The following BRAF variants were observed in gnomAD, a reference collection of about 807,000 sequenced individuals.
The protein encoded by BRAF is B-Raf proto-oncogene, serine/threonine kinase.
BRAF carries 16 observed loss-of-function variants against 104.6 expected under a neutral mutation model. The ratio of observed to expected loss-of-function variants is 0.15; its 90% CI spans 0.10 to 0.23. The LOEUF is 0.23. Among genes scored for constraint, BRAF ranks in the 10% least tolerant of loss-of-function variants. BRAF has a pLI of 1.00. For synonymous variants in BRAF, 310 were observed against 341.6 expected, an observed-to-expected ratio of 0.91 and a Z score of 1.02; for missense variants, 541 against 937.3, an observed-to-expected ratio of 0.58 and a Z score of 5.52.
chr7:140,908,394 T>C (rs940589387), intron 1 of BRAF, among the ~76,000 whole-genome samples: 1 of 152,158 alleles, frequency 6.6e-6, no homozygotes, highest in Non-Finnish European at 1.5e-5. Context: ...GTACTGTTCA[T>C]TGTCCTTGAA....
At chr7:140,821,767 C>T (rs1402944868) in intron 3 of BRAF, among the ~76,000 whole-genome samples, 3 of 151,988 alleles carry the variant, frequency 2.0e-5, no homozygotes, top group East Asian at 1.9e-4. Context: ...AATCATTCTA[C>T]GAAAAAACCA....
chr7:140,759,838 T>C (rs1309706383), intron 14 of BRAF, among the ~76,000 whole-genome samples: 1 of 152,208 alleles, frequency 6.6e-6, no homozygotes, highest in African/African-American at 2.4e-5. Context: ...ACACGAATCA[T>C]TTGGGGATCT....
At chr7:140,797,892 T>G (rs956977779) in intron 7 of BRAF, among the ~76,000 whole-genome samples, 14 of 152,098 alleles carry the variant, frequency 9.2e-5, no homozygotes, top group Admixed American at 9.2e-4. Context: ...AAAACACAGC[T>G]GCACACAAGT....
chr7:140,728,704 C>T (rs1441186459), intron 19 of BRAF, among the ~76,000 whole-genome samples: 1 of 152,076 alleles, frequency 6.6e-6, no homozygotes, highest in Admixed American at 6.5e-5. Context: ...TTTAAGGTTG[C>T]TATTTTTAGT....
At position 140,797,358 on chromosome 7, in the gene BRAF, A is replaced by C. The variant is rs980441106; in HGVS notation, c.981-2891T>G. Among the ~76,000 whole-genome samples the C allele has an allele frequency of 3.9e-5, 6 of 152,334 alleles. No homozygotes were observed. In the East Asian group the frequency reaches 1.2e-3, roughly 29 times the overall value. ...AGGAGGTATCTCTCACTTTGTATTC[A>C]AAACTGGGCAATGTATTGCTTCTCC... On this transcript the variant is annotated intron_variant, in intron 7 of 19. Coordinates refer to ENST00000644969, the MANE Select transcript of BRAF (RefSeq NM_001374258.1).
intron 1 of BRAF, among the ~76,000 whole-genome samples, chr7:140,859,416 T>C (rs1810151551): frequency 2.0e-5 from 3 of 152,200 alleles, no homozygotes; most frequent in Admixed American, 1.3e-4. Context: ...CACATCTATA[T>C]GGGGATAACA....
intron 5 of BRAF, among the ~76,000 whole-genome samples, chr7:140,805,826 C>G (rs757750805): frequency 3.3e-5 from 5 of 152,184 alleles, no homozygotes; most frequent in African/African-American, 1.2e-4. Flanking sequence ...CTTGAATAGC[C>G]AAGCAAAACC....
At chr7:140,861,685 G>C (rs1810433883) in intron 1 of BRAF, among the ~76,000 whole-genome samples, 1 of 152,228 alleles carries the variant, frequency 6.6e-6, no homozygotes, top group Admixed American at 6.5e-5. Context: ...AAGGCAGAAA[G>C]GGCAGAGAAA....
At chr7:140,896,966 TC>T (rs1365355040) in intron 1 of BRAF, among the ~76,000 whole-genome samples, 1 of 151,254 alleles carries the variant, frequency 6.6e-6, no homozygotes, top group African/African-American at 2.4e-5. Context: ...ATAATAAATC[TC>T]TAATATATAT....
intron 17 of BRAF, among the ~76,000 whole-genome samples, chr7:140,743,847 A>G (rs1797135026): frequency 6.6e-6 from 1 of 152,212 alleles, no homozygotes; most frequent in Non-Finnish European, 1.5e-5. Context: ...GCTCCAACGA[A>G]TGGGTAACGA....
intron 19 of BRAF, chr7:140,726,622 T>A: frequency 9.7e-7 from 1 of 1,026,458 alleles, no homozygotes; most frequent in South Asian, 1.4e-5. Flanking sequence ...AGTTATATAT[T>A]TCAAGTCTAG....
rs1448515842 is a variant in BRAF, at chr7:140,787,567, T to G, written c.1158A>C (p.Gln386His). The G allele has an allele frequency of 2.5e-6, 4 of 1,612,868 alleles. No individual in the cohort carries two copies. The South Asian group carries it at 4.4e-5, about 18-fold the overall frequency. ...ACTTACCTCCATCACCACGAAATCCTTGGTCTCTAATCAAGTCCTACAAAT... is the reference window on the plus strand; with the variant it reads ...ACTTACCTCCATCACCACGAAATCCGTGGTCTCTAATCAAGTCCTACAAAT... ...PVNIDDLIRDQGFRGDGAPLN... is the reference protein window; with the variant it reads ...PVNIDDLIRDHGFRGDGAPLN... Residue 386 changes from glutamine to histidine, a missense_variant, in exon 9 of 20, where the codon CAA becomes CAC. Gln to His is a conservative substitution (Grantham distance 24, BLOSUM62 0). Transcript: ENST00000644969.
rs1795586099 is a variant in BRAF at position 140,726,151 on chromosome 7, T to C, written c.*343A>G. The C allele has an allele frequency of 8.8e-7, 1 of 1,132,616 alleles. No homozygotes were observed. Among genetic ancestry groups the C allele is most frequent in the African/African-American group, 1.6e-5 (1 of 62,620 alleles). The allele number at this position is 1,132,616 out of a possible 1,614,324, so 70.2% of individuals were successfully genotyped here. On this transcript the variant is annotated 3_prime_UTR_variant, in exon 20 of 20. Coordinates refer to ENST00000644969, the MANE Select transcript of BRAF (RefSeq NM_001374258.1). Reference sequence around the variant, plus strand: ...AAGGGCAAAGTTGACTGGCAGACTTTCCATAGCAAATCTCCCAAGCTGTAG... The same window carrying C: ...AAGGGCAAAGTTGACTGGCAGACTTCCCATAGCAAATCTCCCAAGCTGTAG...
intron 17 of BRAF, among the ~76,000 whole-genome samples, chr7:140,742,107 G>A (rs1304961715): frequency 6.6e-6 from 1 of 152,136 alleles, no homozygotes; most frequent in Non-Finnish European, 1.5e-5. Flanking sequence ...CATGTCATAG[G>A]TCTATAGTCT....
intron 1 of BRAF, among the ~76,000 whole-genome samples, chr7:140,883,047 T>C (rs568212647): frequency 1.3e-5 from 2 of 151,146 alleles, no homozygotes; most frequent in African/African-American, 4.9e-5. Flanking sequence ...AATAAATAAA[T>C]AAAGGACCTA....
At chr7:140,782,901 T>C in intron 11 of BRAF, 120 bp downstream of exon 10, 1 of 1,230,500 alleles carries the variant, frequency 8.1e-7, no homozygotes, top group Non-Finnish European at 1.1e-6. Context: ...CTTAAATTTA[T>C]TTAATTATGG....
chr7:140,721,032 A>G lies in BRAF; in HGVS notation c.*5462T>C. Reference sequence around the variant, plus strand: ...TTTTTTGATACTACCATGAATAAACATATTTTAGTTGTTTTCAGAGCACTT... The same window carrying G: ...TTTTTTGATACTACCATGAATAAACGTATTTTAGTTGTTTTCAGAGCACTT... On this transcript the variant is annotated 3_prime_UTR_variant, in exon 20 of 20. Transcript: ENST00000644969. 1 of 1,063,934 alleles carries G rather than the reference A, an allele frequency of 9.4e-7. No individual in the cohort carries two copies. The highest frequency in any genetic ancestry group is 1.1e-6 in the Non-Finnish European group (1 of 878,446). The allele number at this position is 1,063,934 out of a possible 1,614,324, so 65.9% of individuals were successfully genotyped here.
chr7:140,723,982 GAAGAA>G lies in BRAF; in HGVS notation c.*2507_*2511del. On this transcript the variant is annotated 3_prime_UTR_variant, in exon 20 of 20. Coordinates refer to ENST00000644969, the MANE Select transcript of BRAF (RefSeq NM_001374258.1). ...GAAAAAACCTATTTCATAGAAAAAG[GAAGAA>G]AAGAGAGGTTTAAATATTTTATTTT... The G allele has an allele frequency of 9.6e-7, 1 of 1,041,230 alleles. No individual in the cohort carries two copies. The highest frequency in any genetic ancestry group is 1.2e-6 in the Non-Finnish European group (1 of 863,954). 64.5% of individuals were successfully genotyped at this position (1,041,230 alleles called of 1,614,324 possible). A position where few individuals can be genotyped will look rare whatever the true frequency, so the allele number is the denominator to read the frequency against.
the BRAF span, among the ~76,000 whole-genome samples, chr7:140,713,582 T>G: frequency 6.6e-6 from 1 of 152,214 alleles, no homozygotes; most frequent in Non-Finnish European, 1.5e-5. Flanking sequence ...CGGAGTAGTT[T>G]GATTGTCTGA....
Sources: gnomAD v4.1 joint callset for allele counts (sites outside exome capture counted in the v4.1 genomes callset) on GRCh38, gnomAD v4.1.1 for gene constraint, MANE v1.5 for transcripts, NCBI Gene and HGNC (gene_info 2026-07-23, HGNC 2026-07-21) for gene names.